The following TNFSF4 variants were observed in gnomAD, a reference collection of about 807,000 sequenced individuals.
TNFSF4 encodes TNF superfamily member 4, also known as tumor necrosis factor ligand superfamily member 4.
TNFSF4 carries 4 observed loss-of-function variants against 7.3 expected under a neutral mutation model. The observed-to-expected ratio is 0.55, with a 90% confidence interval of 0.27 to 1.25. The LOEUF is 1.25. Among genes scored for constraint, TNFSF4 ranks in the 50% most tolerant of loss-of-function variants. The probability of loss-of-function intolerance (pLI) is 0.12; values close to 1 mark genes in which losing one functional copy is unlikely to be tolerated. For missense variants in TNFSF4, 181 were observed against 208.8 expected (o/e 0.87, Z 0.82); for synonymous variants, 76 against 83.7 (o/e 0.91, Z 0.50).
the TNFSF4 span, among the ~76,000 whole-genome samples, chr1:173,291,297 T>A: frequency 1.3e-5 from 2 of 152,106 alleles, no homozygotes; most frequent in Admixed American, 1.3e-4. Context: ...AAGGGGATGG[T>A]GCTAAATCAG....
the TNFSF4 span, among the ~76,000 whole-genome samples, chr1:173,445,754 G>A: frequency 6.6e-6 from 1 of 152,044 alleles, no homozygotes; most frequent in South Asian, 2.1e-4. Flanking sequence ...CATATAGGTA[G>A]GTGACTATGG....
At chr1:173,281,197 T>C in the TNFSF4 span, among the ~76,000 whole-genome samples, 1 of 152,104 alleles carries the variant, frequency 6.6e-6, no homozygotes, top group Non-Finnish European at 1.5e-5. Flanking sequence ...ATTACCCATC[T>C]GACGTGAAAC....
the TNFSF4 span, among the ~76,000 whole-genome samples, chr1:173,279,727 C>T: frequency 3.9e-5 from 6 of 152,236 alleles, no homozygotes; most frequent in African/African-American, 1.2e-4. Context: ...TAGATAAATA[C>T]TGTCACCTAG....
At chr1:173,274,803 T>C in the TNFSF4 span, among the ~76,000 whole-genome samples, 2 of 152,254 alleles carry the variant, frequency 1.3e-5, no homozygotes, top group Admixed American at 1.3e-4. Context: ...GTTAAATATG[T>C]TTTTAAATTC....
chr1:173,279,434 A>C, the TNFSF4 span, among the ~76,000 whole-genome samples: 1 of 151,980 alleles, frequency 6.6e-6, no homozygotes, highest in Non-Finnish European at 1.5e-5. Context: ...TTCTGTCTTT[A>C]TGTTGTTAAA....
intron 1 of TNFSF4, among the ~76,000 whole-genome samples, chr1:173,196,635 C>T (rs1399340383): frequency 1.1e-4 from 16 of 152,204 alleles, no homozygotes; most frequent in Admixed American, 1.0e-3. Context: ...CAATTAGCAA[C>T]TGACAGATTC....
At chr1:173,358,406 A>G in the TNFSF4 span, among the ~76,000 whole-genome samples, 1 of 152,240 alleles carries the variant, frequency 6.6e-6, no homozygotes, top group African/African-American at 2.4e-5. Context: ...GCTAAAATGA[A>G]AAGAAAAAAT....
At chr1:173,296,871 A>G in the TNFSF4 span, among the ~76,000 whole-genome samples, 1 of 151,954 alleles carries the variant, frequency 6.6e-6, no homozygotes, top group African/African-American at 2.4e-5. Flanking sequence ...AATCACATGT[A>G]AGAACCCAAC....
the TNFSF4 span, among the ~76,000 whole-genome samples, chr1:173,375,015 C>G: frequency 6.6e-6 from 1 of 152,210 alleles, no homozygotes; most frequent in African/African-American, 2.4e-5. Context: ...AGCAGTGACT[C>G]TCCAAAACCG....
the TNFSF4 span, among the ~76,000 whole-genome samples, chr1:173,411,985 G>A: frequency 6.6e-6 from 1 of 151,638 alleles, no homozygotes; most frequent in Non-Finnish European, 1.5e-5. Context: ...TGGGTATGGT[G>A]GTGGGCGCTT....
At chr1:173,426,717 C>T in the TNFSF4 span, among the ~76,000 whole-genome samples, 1 of 152,110 alleles carries the variant, frequency 6.6e-6, no homozygotes, top group Admixed American at 6.5e-5. Flanking sequence ...ACCTCGGCCC[C>T]GAGTAGCTGG....
At chr1:173,395,377 A>AATATATATATATATATATAT in the TNFSF4 span, among the ~76,000 whole-genome samples, 7 of 63,236 alleles carry the variant, frequency 1.1e-4, no homozygotes, top group Admixed American at 5.2e-4. Context: ...CTGTGTATAT[A>AATATATATATATATATATAT]ATATATATAT....
chr1:173,418,921 A>G, the TNFSF4 span, among the ~76,000 whole-genome samples: 1 of 152,250 alleles, frequency 6.6e-6, no homozygotes, highest in African/African-American at 2.4e-5. Flanking sequence ...CATGTGCTGG[A>G]AACTTAATTC....
the TNFSF4 span, among the ~76,000 whole-genome samples, chr1:173,412,127 A>T: frequency 6.6e-6 from 1 of 151,640 alleles, no homozygotes; most frequent in Non-Finnish European, 1.5e-5. Flanking sequence ...GAAAAAAAAA[A>T]AAAAAAAGGA....
At chr1:173,371,211 C>T in the TNFSF4 span, among the ~76,000 whole-genome samples, 1 of 152,202 alleles carries the variant, frequency 6.6e-6, no homozygotes, top group Non-Finnish European at 1.5e-5. Context: ...CCTCAAGGCC[C>T]GTTACCATCT....
At chr1:173,355,719 T>A in the TNFSF4 span, among the ~76,000 whole-genome samples, 4 of 152,366 alleles carry the variant, frequency 2.6e-5, no homozygotes, top group African/African-American at 9.6e-5. Context: ...CCTCTCATTT[T>A]ATACCCCAGT....
At chr1:173,289,744 A>G in the TNFSF4 span, among the ~76,000 whole-genome samples, 2 of 152,192 alleles carry the variant, frequency 1.3e-5, no homozygotes, top group African/African-American at 4.8e-5. Flanking sequence ...TCTGAATTGA[A>G]AAATTCAGTG....
the TNFSF4 span, among the ~76,000 whole-genome samples, chr1:173,299,583 T>C: frequency 3.3e-5 from 5 of 151,964 alleles, no homozygotes; most frequent in African/African-American, 4.8e-5. Context: ...CTAAATTGCA[T>C]TGTGTTTTAG....
the TNFSF4 span, among the ~76,000 whole-genome samples, chr1:173,438,594 T>C: frequency 2.0e-5 from 3 of 152,230 alleles, no homozygotes; most frequent in African/African-American, 7.2e-5. Context: ...AATTTTATTA[T>C]ATTTTCTGAT....
Sources: allele counts gnomAD v4.1 joint callset (sites outside exome capture counted in the v4.1 genomes callset), GRCh38; gene constraint gnomAD v4.1.1; transcripts MANE v1.5; gene names NCBI Gene and HGNC (gene_info 2026-07-23, HGNC 2026-07-21).